The following TRMT6 variants were observed in gnomAD, a reference collection of about 807,000 sequenced individuals.
TRMT6 encodes tRNA methyltransferase 6 non-catalytic subunit, also known as tRNA (adenine(58)-N(1))-methyltransferase non-catalytic subunit TRM6.
A neutral mutation model predicts 59.0 loss-of-function variants in TRMT6; 34 were observed. That is an observed-to-expected ratio of 0.58 (90% CI 0.44 to 0.77). The LOEUF (loss-of-function observed/expected upper bound fraction) is 0.77, where lower values mean the gene tolerates loss of function less well. Ranked by LOEUF, TRMT6 falls within the 30% of genes least tolerant of loss-of-function variation. The probability of loss-of-function intolerance (pLI) is 0.00; values close to 1 mark genes in which losing one functional copy is unlikely to be tolerated. For synonymous variants in TRMT6, 217 were observed against 210.5 expected, an observed-to-expected ratio of 1.03 and a Z score of -0.27; for missense variants, 575 against 604.5, an observed-to-expected ratio of 0.95 and a Z score of 0.51.
chr20:5,942,234 C>T lies in TRMT6; in HGVS notation c.1026+194G>A, dbSNP rs148722640. On this transcript the variant is annotated intron_variant, in intron 7 of 10. Coordinates refer to ENST00000203001, the MANE Select transcript of TRMT6 (RefSeq NM_015939.5). ...AACCATGATTAAGCTATCTATGCAA[C>T]GCTTCTGTATCCTAAAGCTCCATCC... 2,179 of 721,068 alleles carry T rather than the reference C, an allele frequency of 3.0e-3. 21 individuals are homozygous for T. The highest frequency in any genetic ancestry group is 0.028 in the African/African-American group (1,575 of 56,752). The allele number at this position is 721,068 out of a possible 1,614,324, so 44.7% of individuals were successfully genotyped here.
rs373880875 is a variant in TRMT6 at position 5,938,664 on chromosome 20, G to A, written c.1365C>T (p.Ser455=). 9.3e-6 allele frequency: 15 copies of A among 1,614,128 alleles called. No homozygotes were observed. Among genetic ancestry groups the A allele is most frequent in the East Asian group, 8.9e-5 (4 of 44,876 alleles). The part of the protein sequence containing the change: ...LMSGGGGYLL[S]GFTVAMDNLK... ...GGTTGTCCATGGCAACGGTGAAGCC[G>A]GAGAGAAGATAACCCCCACCTCCAC... The change falls in exon 11 of 11, where the codon TCC becomes TCT. Residue 455 remains serine (S), a synonymous_variant. Transcript: ENST00000203001.
rs1568558211 is a variant in TRMT6, at chr20:5,942,042, A to G, written c.1027-6T>C. ...CTCCTCTGTTTTTCCTGAATCTTCA[A>G]AAAGAAAAATAAGAAATCAATGTAC... On this transcript the variant is annotated splice_polypyrimidine_tract_variant and splice_region_variant and intron_variant, in intron 7 of 10. Transcript: ENST00000203001. 7 of 1,610,564 alleles carry G rather than the reference A, an allele frequency of 4.3e-6. No individual in the cohort carries two copies. Among genetic ancestry groups the G allele is most frequent in the Non-Finnish European group, 5.1e-6 (6 of 1,179,180 alleles).
chr20:5,941,711 AG>A, intron 8 of TRMT6: 1 of 559,656 alleles, frequency 1.8e-6, no homozygotes, highest in Non-Finnish European at 3.2e-6. Context: ...GTGGGACCAC[AG>A]GGCCCATCTT....
rs1374191719 is a variant in TRMT6, at chr20:5,943,934, G to A, written c.542+14C>T. The A allele has an allele frequency of 1.9e-6, 3 of 1,595,180 alleles. No homozygotes were observed. In the South Asian group the frequency reaches 3.5e-5, roughly 18 times the overall value. On this transcript the variant is annotated intron_variant, in intron 5 of 10. Transcript: ENST00000203001. ...TTTCCCCCAATTATACTTTTGAAAG[G>A]AAACAAAGCGTACTTAATTTTTCCA...
intron 6 of TRMT6, 61 bp from the exon 7 acceptor site, chr20:5,942,847 C>G: frequency 7.9e-7 from 1 of 1,270,850 alleles, no homozygotes; most frequent in Non-Finnish European, 1.1e-6. Context: ...CGTAAACCCT[C>G]AGTGAGTCCT....
chr20:5,943,027 T>C (rs1251865402), intron 6 of TRMT6, among the ~76,000 whole-genome samples: 2 of 152,196 alleles, frequency 1.3e-5, no homozygotes, highest in African/African-American at 4.8e-5. Context: ...CACTTGATAC[T>C]ATTGTAAAAC....
In TRMT6 at chr20:5,950,447, C is replaced by T; in HGVS notation, c.-42G>A. 3.2e-6 allele frequency: 5 copies of T among 1,544,806 alleles called. No homozygotes were observed. The highest frequency in any genetic ancestry group is 1.2e-5 in the South Asian group (1 of 86,114). Reference sequence around the variant, plus strand: ...CCGTGCTCCACGGCGTCCCGCCCCTCCTCCTCGGTTGTCGCCACCGCCAGC... The same window carrying T: ...CCGTGCTCCACGGCGTCCCGCCCCTTCTCCTCGGTTGTCGCCACCGCCAGC... On this transcript the variant is annotated 5_prime_UTR_variant, in exon 1 of 11. Coordinates refer to ENST00000203001, the MANE Select transcript of TRMT6 (RefSeq NM_015939.5).
At chr20:5,939,005 T>C (rs777962953) in intron 10 of TRMT6, among the ~76,000 whole-genome samples, 10 of 151,788 alleles carry the variant, frequency 6.6e-5, no homozygotes, top group Non-Finnish European at 1.3e-4. Context: ...TAGTGAGATT[T>C]TGGCTCACTG....
chr20:5,937,479 A>T lies in TRMT6; in HGVS notation c.*1056T>A, dbSNP rs1355770443. 1 of 152,262 alleles carries T rather than the reference A, an allele frequency of 6.6e-6. No homozygotes were observed. Among genetic ancestry groups the T allele is most frequent in the East Asian group, 1.9e-4 (1 of 5,204 alleles). The allele number at this position is 152,262 out of a possible 1,614,324, so 9.4% of individuals were successfully genotyped here. A position where few individuals can be genotyped will look rare whatever the true frequency, so the allele number is the denominator to read the frequency against. On this transcript the variant is annotated 3_prime_UTR_variant, in exon 11 of 11. Coordinates refer to ENST00000203001, the MANE Select transcript of TRMT6 (RefSeq NM_015939.5). Reference sequence around the variant, plus strand: ...CTAAACACTTTCTTTGCTACAGCACATGATCAAATGATTAGAGTTTTTCAG... The same window carrying T: ...CTAAACACTTTCTTTGCTACAGCACTTGATCAAATGATTAGAGTTTTTCAG...
At chr20:5,940,977 A>ATGACTTCTAGTAC (rs2088650704) in intron 10 of TRMT6, 76 bp downstream of exon 10, 3 of 1,148,604 alleles carry the variant, frequency 2.6e-6, no homozygotes, top group Non-Finnish European at 4.0e-6. Context: ...ACTCTATTTA[A>ATGACTTCTAGTAC]TGACTTCTAG....
chr20:5,942,833 A>G, intron 6 of TRMT6, 47 bp from the exon 7 acceptor site: 2 of 1,458,610 alleles, frequency 1.4e-6, no homozygotes, highest in East Asian at 4.5e-5. Flanking sequence ...GTGACTCTAG[A>G]CTACGTAAAC....
At position 5,946,123 on chromosome 20, in the gene TRMT6, A is replaced by G. The variant is rs147456520; in HGVS notation, c.256+283T>C. Among the ~76,000 whole-genome samples the G allele has an allele frequency of 4.1e-3, 631 of 152,326 alleles. 3 individuals carry two copies. The highest frequency in any genetic ancestry group is 0.014 in the African/African-American group (597 of 41,566). On this transcript the variant is annotated intron_variant, in intron 2 of 10. Coordinates refer to ENST00000203001, the MANE Select transcript of TRMT6 (RefSeq NM_015939.5). ...TGTTACATAACTTCTGGGCACTGAA[A>G]GAACTTTACATTATGTTCTTGCAAT...
At position 5,937,941 on chromosome 20, in the gene TRMT6, C is replaced by CTAA. The variant is rs1480347151; in HGVS notation, c.*591_*593dup. ...CAAATTAATGCAAAAAAGTACCCTACTAAACCTTTCTATGCACAAAAAAGA... is the reference window on the plus strand; with the variant it reads ...CAAATTAATGCAAAAAAGTACCCTACTAATAAACCTTTCTATGCACAAAAAAGA... On this transcript the variant is annotated 3_prime_UTR_variant, in exon 11 of 11. Coordinates refer to ENST00000203001, the MANE Select transcript of TRMT6 (RefSeq NM_015939.5). 3 of 152,178 alleles carry CTAA rather than the reference C, an allele frequency of 2.0e-5. No homozygotes were observed. Among genetic ancestry groups the CTAA allele is most frequent in the Admixed American group, 2.0e-4 (3 of 15,280 alleles). The allele number at this position is 152,178 out of a possible 1,614,324, so 9.4% of individuals were successfully genotyped here.
At chr20:5,948,703 GAAAA>G (rs1568560944) in intron 1 of TRMT6, among the ~76,000 whole-genome samples, 2 of 151,544 alleles carry the variant, frequency 1.3e-5, no homozygotes, top group African/African-American at 2.4e-5. Flanking sequence ...GTTTAAAAAA[GAAAA>G]AAAAGAAGAA....
intron 5 of TRMT6, 97 bp from the exon 6 acceptor site, chr20:5,943,780 TTGA>T (rs2088680507): frequency 6.5e-7 from 1 of 1,546,090 alleles, no homozygotes; most frequent in African/African-American, 1.4e-5. Flanking sequence ...TAAAATTGTG[TTGA>T]TAAGATTATT....
At chr20:5,943,453 T>C in intron 6 of TRMT6, 106 bp downstream of exon 6, 1 of 1,463,306 alleles carries the variant, frequency 6.8e-7, no homozygotes, top group Non-Finnish European at 9.4e-7. Context: ...GTCACTTTGT[T>C]AACCCTGAAG....
rs1178636622 is a variant in TRMT6, at chr20:5,942,584, G to A, written c.870C>T (p.Gly290=). The A allele has an allele frequency of 6.2e-7, 1 of 1,613,998 alleles. No homozygotes were observed. Among genetic ancestry groups the A allele is most frequent in the African/African-American group, 1.3e-5 (1 of 74,902 alleles). ...KDSALVEESN[G]TLEEKQASEQ... ...CAGAAGCCTGTTTTTCCTCCAGTGT[G>A]CCATTACTTTCTTCAACCAAAGCAC... Residue 290 remains glycine, a synonymous_variant, in exon 7 of 11, where the codon GGC becomes GGT. Coordinates refer to ENST00000203001, the MANE Select transcript of TRMT6 (RefSeq NM_015939.5).
intron 10 of TRMT6, 107 bp downstream of exon 10, chr20:5,940,946 C>T (rs2088650476): frequency 3.3e-6 from 3 of 907,086 alleles, no homozygotes; most frequent in South Asian, 1.4e-5. Context: ...CAGGCATAAG[C>T]CACTGTGCCT....
At chr20:5,949,324 G>C (rs2088748688) in intron 1 of TRMT6, among the ~76,000 whole-genome samples, 1 of 152,116 alleles carries the variant, frequency 6.6e-6, no homozygotes, top group Non-Finnish European at 1.5e-5. Flanking sequence ...TTGCACTACT[G>C]CCCTAAAGCC....
Sources: allele counts gnomAD v4.1 joint callset (sites outside exome capture counted in the v4.1 genomes callset), GRCh38; gene constraint gnomAD v4.1.1; transcripts MANE v1.5; gene names NCBI Gene and HGNC (gene_info 2026-07-23, HGNC 2026-07-21).